HHAT: variants seen among roughly 807,000 people sequenced by gnomAD.
The protein encoded by HHAT is protein-cysteine N-palmitoyltransferase HHAT.
Under a neutral mutation model 70.8 loss-of-function variants are expected in HHAT, and 47 were observed. The observed-to-expected ratio is 0.66, with a 90% CI of 0.53 to 0.85. HHAT has a LOEUF of 0.85. HHAT is among the 40% of genes least tolerant of loss of function. HHAT has a pLI of 0.00. For synonymous variants in HHAT, 228 were observed against 247.6 expected (o/e 0.92, Z 0.74); for missense variants, 609 against 604.8 (o/e 1.01, Z -0.07).
chr1:210,554,619 C>T (rs2095556564), intron 9 of HHAT, among the ~76,000 whole-genome samples: 1 of 152,096 alleles, frequency 6.6e-6, no homozygotes. Context: ...GGGGAGGTTT[C>T]AGCTTAAGCC....
chr1:210,382,093 G>T (rs1278571183), intron 3 of HHAT, among the ~76,000 whole-genome samples: 1 of 152,176 alleles, frequency 6.6e-6, no homozygotes, highest in Non-Finnish European at 1.5e-5. Flanking sequence ...TTGTGATCTG[G>T]CAAGGTTTAA....
chr1:210,622,463 C>T (rs544931789), intron 10 of HHAT, among the ~76,000 whole-genome samples: 1 of 152,146 alleles, frequency 6.6e-6, no homozygotes, highest in Non-Finnish European at 1.5e-5. Flanking sequence ...GCACAGCGAC[C>T]TCACTCAGAG....
chr1:210,635,499 C>T (rs921943810), intron 11 of HHAT, among the ~76,000 whole-genome samples: 4 of 152,030 alleles, frequency 2.6e-5, no homozygotes, highest in Non-Finnish European at 5.9e-5. Context: ...CAGTACTAGG[C>T]GCAGGGTGAT....
At chr1:210,574,659 C>T (rs1657209160) in intron 9 of HHAT, among the ~76,000 whole-genome samples, 1 of 152,190 alleles carries the variant, frequency 6.6e-6, no homozygotes, top group Non-Finnish European at 1.5e-5. Context: ...CTTTGAAAAC[C>T]TAGAGTATAC....
intron 3 of HHAT, among the ~76,000 whole-genome samples, chr1:210,381,107 G>T (rs1433849682): frequency 6.6e-6 from 1 of 152,000 alleles, no homozygotes; most frequent in Non-Finnish European, 1.5e-5. Context: ...ATTGAAGTAG[G>T]TCTAGCATAT....
At chr1:210,349,141 TTCAAGAAGATGATCCAATAGTG>T in intron 2 of HHAT, 75 bp downstream of exon 2, 1 of 1,454,696 alleles carries the variant, frequency 6.9e-7, no homozygotes, top group Non-Finnish European at 9.5e-7. Context: ...AGGTGGAAGA[TTCAAGAAGATGATCCAATAGTG>T]TCAAGATGAT....
At chr1:210,533,038 G>A (rs1304163579) in intron 9 of HHAT, among the ~76,000 whole-genome samples, 1 of 152,166 alleles carries the variant, frequency 6.6e-6, no homozygotes, top group African/African-American at 2.4e-5. Context: ...TCTCTCACTA[G>A]ATTTGTGAGC....
At chr1:210,434,951 C>T (rs1373460124) in intron 7 of HHAT, among the ~76,000 whole-genome samples, 2 of 151,582 alleles carry the variant, frequency 1.3e-5, no homozygotes, top group Non-Finnish European at 2.9e-5. Flanking sequence ...TTGAGATCTC[C>T]ATTACCTTAT....
intron 6 of HHAT, among the ~76,000 whole-genome samples, chr1:210,409,778 A>G (rs1311388826): frequency 6.6e-6 from 1 of 152,258 alleles, no homozygotes; most frequent in Non-Finnish European, 1.5e-5. Flanking sequence ...AGGCATAGCT[A>G]TTCCTTTTTA....
chr1:210,656,828 G>A (rs536570642), intron 11 of HHAT, among the ~76,000 whole-genome samples: 3 of 152,232 alleles, frequency 2.0e-5, no homozygotes, highest in Non-Finnish European at 2.9e-5. Flanking sequence ...GCCTCTTCCT[G>A]GTGCCCAGGA....
intron 9 of HHAT, among the ~76,000 whole-genome samples, chr1:210,542,485 G>C (rs1558127302): frequency 7.9e-6 from 1 of 127,216 alleles, no homozygotes; most frequent in Non-Finnish European, 1.8e-5. Flanking sequence ...CAGTGTTTTA[G>C]TTAAAAAAAA....
intron 8 of HHAT, among the ~76,000 whole-genome samples, chr1:210,494,015 A>G (rs551475075): frequency 8.5e-5 from 13 of 152,328 alleles, no homozygotes; most frequent in African/African-American, 2.4e-4. Context: ...TTGTTCTTCT[A>G]TTGAAGCAGA....
At chr1:210,433,414 C>T (rs1572404647) in intron 7 of HHAT, among the ~76,000 whole-genome samples, 1 of 151,844 alleles carries the variant, frequency 6.6e-6, no homozygotes, top group East Asian at 1.9e-4. Context: ...ATGCGTCGTA[C>T]ATTATTGCTC....
intron 10 of HHAT, among the ~76,000 whole-genome samples, chr1:210,596,866 G>T (rs968139711): frequency 1.3e-5 from 2 of 152,104 alleles, no homozygotes; most frequent in African/African-American, 4.8e-5. Flanking sequence ...ATGGATGGTT[G>T]TCATGCTTGT....
chr1:210,662,431 G>T (rs753019063), intron 11 of HHAT, among the ~76,000 whole-genome samples: 2 of 152,192 alleles, frequency 1.3e-5, no homozygotes, highest in Non-Finnish European at 2.9e-5. Context: ...GAGCTCATTT[G>T]CTAGGCAGCG....
rs140708318 is a variant in HHAT, at chr1:210,642,013, T to C, written c.1390+18343T>C. On this transcript the variant is annotated intron_variant, in intron 11 of 11. Coordinates refer to ENST00000261458, the MANE Select transcript of HHAT (RefSeq NM_018194.6). ...TGTGCTTCCATTTTTATTAGATTTC[T>C]GTATTTTTTTAAATTTGTCACTGCC... Among the ~76,000 whole-genome samples, 410 of 152,344 alleles carry C rather than the reference T, an allele frequency of 2.7e-3. 10 individuals carry two copies. Among genetic ancestry groups the C allele is most frequent in the Non-Finnish European group, 1.6e-3 (108 of 68,038 alleles).
intron 10 of HHAT, among the ~76,000 whole-genome samples, chr1:210,605,869 C>A (rs4460704): frequency 6.6e-6 from 1 of 150,754 alleles, no homozygotes; most frequent in Non-Finnish European, 1.5e-5. Flanking sequence ...TTTTTTTCCT[C>A]TTTTGAGGCA....
intron 11 of HHAT, among the ~76,000 whole-genome samples, chr1:210,638,710 A>C (rs1573926110): frequency 8.6e-6 from 1 of 115,674 alleles, no homozygotes; most frequent in Admixed American, 1.0e-4. Flanking sequence ...ACATAGAGAG[A>C]CCCTGTATTT....
chr1:210,520,248 C>A (rs896565043), intron 9 of HHAT, among the ~76,000 whole-genome samples: 2 of 152,112 alleles, frequency 1.3e-5, no homozygotes, highest in Non-Finnish European at 2.9e-5. Context: ...AACTCCTGAC[C>A]TCGTGATCCA....
Sources: gnomAD v4.1 joint callset for allele counts (sites outside exome capture counted in the v4.1 genomes callset) on GRCh38, gnomAD v4.1.1 for gene constraint, MANE v1.5 for transcripts, NCBI Gene and HGNC (gene_info 2026-07-23, HGNC 2026-07-21) for gene names.